The following UNC80 variants were observed in gnomAD, a reference collection of about 807,000 sequenced individuals.
The protein encoded by UNC80 is unc-80 subunit of NALCN channel complex, also known as protein unc-80 homolog.
A neutral mutation model predicts 384.6 loss-of-function variants in UNC80; 164 were observed. The observed-to-expected ratio is 0.43, with a 90% confidence interval of 0.38 to 0.49. The LOEUF (loss-of-function observed/expected upper bound fraction) is 0.49, where lower values mean the gene tolerates loss of function less well. UNC80 is among the 20% of genes least tolerant of loss of function. The pLI is 0.00. For missense variants in UNC80, 3,330 were observed against 4,143.0 expected (o/e 0.80, Z 5.39); for synonymous variants, 1,486 against 1,527.8 (o/e 0.97, Z 0.64).
At chr2:209,848,211 T>G (rs1371612332) in intron 21 of UNC80, among the ~76,000 whole-genome samples, 1 of 152,078 alleles carries the variant, frequency 6.6e-6, no homozygotes, top group East Asian at 1.9e-4. Context: ...ATAGCTTTTC[T>G]TCTTTGTATC....
chr2:209,854,674 G>A (rs2082765797), intron 22 of UNC80, among the ~76,000 whole-genome samples: 1 of 151,960 alleles, frequency 6.6e-6, no homozygotes, highest in South Asian at 2.1e-4. Flanking sequence ...CATTTATGTG[G>A]CCAATAAACA....
intron 34 of UNC80, among the ~76,000 whole-genome samples, 184 bp downstream of exon 34, chr2:209,921,870 AGAG>A (rs946440249): frequency 6.6e-6 from 1 of 152,244 alleles, no homozygotes; most frequent in African/African-American, 2.4e-5. Flanking sequence ...AGCCATTTTC[AGAG>A]GAGGACATTA....
chr2:209,878,877 C>CT (rs2085016667), intron 24 of UNC80, among the ~76,000 whole-genome samples: 1 of 152,120 alleles, frequency 6.6e-6, no homozygotes, highest in East Asian at 1.9e-4. Flanking sequence ...TTCAAGCTCC[C>CT]TGACTACATG....
At chr2:209,887,136 A>C (rs2085883801) in intron 25 of UNC80, among the ~76,000 whole-genome samples, 1 of 152,170 alleles carries the variant, frequency 6.6e-6, no homozygotes, top group South Asian at 2.1e-4. Flanking sequence ...TCCCAGGTTC[A>C]AGCAATTCTC....
intron 15 of UNC80, 21 bp downstream of exon 15, chr2:209,829,400 G>A: frequency 1.3e-6 from 2 of 1,550,668 alleles, no homozygotes; most frequent in Non-Finnish European, 8.7e-7. Flanking sequence ...CTGCACCCAA[G>A]TTCTAGGAGA....
intron 37 of UNC80, among the ~76,000 whole-genome samples, chr2:209,930,341 G>T (rs181739046): frequency 1.3e-5 from 2 of 152,142 alleles, no homozygotes; most frequent in African/African-American, 4.8e-5. Flanking sequence ...AACCTGATTT[G>T]TCAGACCACC....
chr2:209,808,716 C>A, intron 7 of UNC80: 1 of 105,562 alleles, frequency 9.5e-6, no homozygotes, highest in South Asian at 2.7e-4. Context: ...GGCGGAGCGG[C>A]TGCACTCATT....
At chr2:209,813,866 A>T (rs756009614) in intron 8 of UNC80, 25 bp downstream of exon 8, 165 of 1,544,680 alleles carry the variant, frequency 1.1e-4, no homozygotes, top group Non-Finnish European at 9.8e-5. Flanking sequence ...GTTCATTGTC[A>T]TTCAAACCAG....
intron 4 of UNC80, among the ~76,000 whole-genome samples, chr2:209,779,813 C>A (rs1054179090): frequency 6.6e-6 from 1 of 152,142 alleles, no homozygotes; most frequent in African/African-American, 2.4e-5. Context: ...TATATGTTGA[C>A]AAATATCACC....
intron 42 of UNC80, among the ~76,000 whole-genome samples, chr2:209,939,171 G>A (rs546527784): frequency 1.9e-4 from 29 of 152,180 alleles, no homozygotes; most frequent in Non-Finnish European, 2.9e-4. Context: ...AAACAAATGG[G>A]CTCTATTTAA....
chr2:209,853,564 G>A (rs565672984), intron 22 of UNC80, among the ~76,000 whole-genome samples: 2 of 151,946 alleles, frequency 1.3e-5, no homozygotes, highest in South Asian at 4.1e-4. Flanking sequence ...GCAACTGTAA[G>A]GCATTTTTTA....
rs1389978988 is a variant in UNC80 at position 209,912,670 on chromosome 2, A to G, written c.4890+3A>G. The stretch of plus-strand genomic sequence containing the variant: ...TGCTGAAGTACATCAGACTTCAGGT[A>G]TTGTTACCTGGATCAGAAGGATTCA... On this transcript the variant is annotated splice_donor_region_variant and intron_variant, in intron 30 of 64. Transcript: ENST00000673920. The G allele has an allele frequency of 3.9e-6, 6 of 1,542,550 alleles. No individual in the cohort carries two copies. In the East Asian group the frequency reaches 9.8e-5, roughly 25 times the overall value.
intron 28 of UNC80, among the ~76,000 whole-genome samples, chr2:209,903,350 G>C (rs556159650): frequency 9.0e-4 from 119 of 132,488 alleles, no homozygotes; most frequent in Non-Finnish European, 1.5e-3. Context: ...GTGTGTGTGT[G>C]TGGACAGTGT....
intron 6 of UNC80, among the ~76,000 whole-genome samples, chr2:209,790,533 G>A (rs2077731042): frequency 6.6e-6 from 1 of 152,118 alleles, no homozygotes; most frequent in Admixed American, 6.6e-5. Flanking sequence ...TCTCCCTACT[G>A]GTAGCTGTCT....
chr2:209,911,802 C>T (rs753003530), intron 29 of UNC80, among the ~76,000 whole-genome samples: 5 of 152,296 alleles, frequency 3.3e-5, no homozygotes, highest in Non-Finnish European at 5.9e-5. Context: ...AGCCTGCCTT[C>T]GTTAGGTTCA....
intron 22 of UNC80, among the ~76,000 whole-genome samples, chr2:209,850,521 T>A (rs1286688258): frequency 6.6e-6 from 1 of 152,144 alleles, no homozygotes; most frequent in East Asian, 1.9e-4. Context: ...CCAAGCCTTA[T>A]AATGTAATTC....
At chr2:209,952,269 T>C (rs150239724) in intron 47 of UNC80, among the ~76,000 whole-genome samples, 1,582 of 152,250 alleles carry the variant, frequency 0.01, 7 homozygotes, top group Non-Finnish European at 0.017. Flanking sequence ...TTAGAAATGC[T>C]TTGAGGATCT....
At chr2:209,889,768 G>T (rs906034361) in intron 26 of UNC80, among the ~76,000 whole-genome samples, 1 of 152,204 alleles carries the variant, frequency 6.6e-6, no homozygotes, top group Non-Finnish European at 1.5e-5. Context: ...GTGTTAGTTT[G>T]CTGAGAATGA....
At chr2:209,772,979 C>A in intron 1 of UNC80, 115 bp from the exon 2 acceptor site, 1 of 804,706 alleles carries the variant, frequency 1.2e-6, no homozygotes, top group Non-Finnish European at 2.0e-6. Context: ...TATAAGGAAG[C>A]ATGAAATTTG....
Sources: allele counts gnomAD v4.1 joint callset (sites outside exome capture counted in the v4.1 genomes callset), GRCh38; gene constraint gnomAD v4.1.1; transcripts MANE v1.5; gene names NCBI Gene and HGNC (gene_info 2026-07-23, HGNC 2026-07-21).